The following GTF2A1 variants were observed in gnomAD, a reference collection of about 807,000 sequenced individuals.
GTF2A1 encodes general transcription factor IIA subunit 1.
GTF2A1 carries 12 observed loss-of-function variants against 54.1 expected under a neutral mutation model. That is an observed-to-expected ratio of 0.22 (90% confidence interval 0.14 to 0.36). GTF2A1 has a LOEUF of 0.36. Among genes scored for constraint, GTF2A1 ranks in the 10% least tolerant of loss-of-function variants. The pLI, the probability that GTF2A1 is intolerant of heterozygous loss-of-function variation, is 1.00. For missense variants in GTF2A1, 335 were observed against 442.2 expected, an observed-to-expected ratio of 0.76 and a Z score of 2.17; for synonymous variants, 145 against 152.0, an observed-to-expected ratio of 0.95 and a Z score of 0.34.
chr14:81,193,449 A>G (rs1892921484), intron 6 of GTF2A1, among the ~76,000 whole-genome samples: 2 of 152,054 alleles, frequency 1.3e-5, no homozygotes, highest in Admixed American at 6.6e-5. Flanking sequence ...GTGAGCCACA[A>G]CGCCTGGCCA....
At chr14:81,207,158 C>G (rs1370693681) in intron 2 of GTF2A1, among the ~76,000 whole-genome samples, 1 of 146,704 alleles carries the variant, frequency 6.8e-6, no homozygotes. Flanking sequence ...TACCTACCTA[C>G]CTACCTACCT....
intron 1 of GTF2A1, 29 bp downstream of exon 1, chr14:81,220,460 C>T: frequency 6.5e-7 from 1 of 1,536,182 alleles, no homozygotes; most frequent in Non-Finnish European, 8.8e-7. Flanking sequence ...TGAACGAAGC[C>T]CCCGCCGGCC....
At chr14:81,199,474 A>G (rs550804615) in intron 4 of GTF2A1, among the ~76,000 whole-genome samples, 1 of 152,342 alleles carries the variant, frequency 6.6e-6, no homozygotes, top group South Asian at 2.1e-4. Flanking sequence ...CGTTTTTATG[A>G]TTAGTTCATT....
chr14:81,209,750 G>A (rs887514708), intron 2 of GTF2A1: 7 of 374,276 alleles, frequency 1.9e-5, no homozygotes, highest in East Asian at 7.4e-5. Context: ...TATTCCTTAC[G>A]ATCAGCAGTT....
chr14:81,213,281 T>G (rs1336770078), intron 2 of GTF2A1, among the ~76,000 whole-genome samples: 1 of 151,928 alleles, frequency 6.6e-6, no homozygotes, highest in East Asian at 1.9e-4. Flanking sequence ...CTATAAAATA[T>G]GTACTAAAAA....
intron 7 of GTF2A1, among the ~76,000 whole-genome samples, chr14:81,189,540 G>A (rs141932600): frequency 6.6e-5 from 10 of 152,060 alleles, no homozygotes; most frequent in African/African-American, 1.9e-4. Flanking sequence ...GCGAGGTGGC[G>A]GGCACCTCTA....
chr14:81,187,744 G>A (rs1043412590), intron 7 of GTF2A1, among the ~76,000 whole-genome samples: 1 of 152,100 alleles, frequency 6.6e-6, no homozygotes, highest in Non-Finnish European at 1.5e-5. Flanking sequence ...TGAACATTTG[G>A]GTTTATACCA....
intron 6 of GTF2A1, among the ~76,000 whole-genome samples, chr14:81,194,487 T>A (rs931657878): frequency 6.6e-6 from 1 of 152,310 alleles, no homozygotes; most frequent in Admixed American, 6.5e-5. Flanking sequence ...CAGCAGTACA[T>A]AATTTTGGAA....
Position 81,180,278 on chromosome 14 carries a change from T to G in GTF2A1, c.1076A>C (p.Asn359Thr). Residue 359 changes from asparagine to threonine, a missense_variant, in exon 9 of 9, where the codon AAT becomes ACT. Physicochemically the swap from Asn to Thr is moderately conservative, Grantham distance 65. Coordinates refer to ENST00000553612, the MANE Select transcript of GTF2A1 (RefSeq NM_015859.4). ...AAATATATAATCTCTTCCATTAAGA[T>G]TCATAATGCCATCCTTGAGATGAAA... ...WKFHLKDGIM[N>T]LNGRDYIFSK... 6.6e-7 allele frequency: 1 copy of G among 1,521,996 alleles called. No homozygotes were observed. The highest frequency in any genetic ancestry group is 1.4e-5 in the African/African-American group (1 of 73,166). The allele number at this position is 1,521,996 out of a possible 1,614,324, so 94.3% of individuals were successfully genotyped here. A position where few individuals can be genotyped will look rare whatever the true frequency, so the allele number is the denominator to read the frequency against.
chr14:81,214,992 ATAGT>A (rs774904813), intron 2 of GTF2A1, among the ~76,000 whole-genome samples: 43 of 152,350 alleles, frequency 2.8e-4, no homozygotes, highest in Admixed American at 2.2e-3. Context: ...CAGTTTCTTA[ATAGT>A]TAGTTACAAT....
intron 8 of GTF2A1, among the ~76,000 whole-genome samples, chr14:81,182,063 C>G (rs1457906558): frequency 6.6e-6 from 1 of 152,056 alleles, no homozygotes; most frequent in African/African-American, 2.4e-5. Context: ...GCTTCTCCAA[C>G]TTCCATTTAT....
chr14:81,199,301 T>C (rs1210308573), intron 4 of GTF2A1, among the ~76,000 whole-genome samples: 1 of 152,154 alleles, frequency 6.6e-6, no homozygotes, highest in South Asian at 2.1e-4. Flanking sequence ...TCATGTACCA[T>C]ACACTAACCA....
intron 7 of GTF2A1, among the ~76,000 whole-genome samples, chr14:81,185,974 TC>T (rs1892735929): frequency 6.6e-6 from 1 of 152,186 alleles, no homozygotes; most frequent in Non-Finnish European, 1.5e-5. Context: ...TGCCTCAGCC[TC>T]CCCAGTAGCT....
At position 81,176,680 on chromosome 14, in the gene GTF2A1, C is replaced by T. The variant is rs1595201059; in HGVS notation, c.*3543G>A. The stretch of plus-strand genomic sequence containing the variant: ...CTAAAATGCAAAGCTATTTAACAAA[C>T]TCATGAGGAAACAAGTAAAGCAACT... On this transcript the variant is annotated 3_prime_UTR_variant, in exon 9 of 9. Coordinates refer to ENST00000553612, the MANE Select transcript of GTF2A1 (RefSeq NM_015859.4). 1 of 151,918 alleles carries T rather than the reference C, an allele frequency of 6.6e-6. No homozygotes were observed. Among genetic ancestry groups the T allele is most frequent in the Non-Finnish European group, 1.5e-5 (1 of 67,932 alleles). 9.4% of individuals were successfully genotyped at this position (151,918 alleles called of 1,614,324 possible). A position where few individuals can be genotyped will look rare whatever the true frequency, so the allele number is the denominator to read the frequency against.
intron 2 of GTF2A1, among the ~76,000 whole-genome samples, chr14:81,207,655 T>C (rs61980897): frequency 0.089 from 13,481 of 152,212 alleles, 656 homozygotes; most frequent in Non-Finnish European, 0.11. Flanking sequence ...GTGGGAAAGT[T>C]TGGAACTTCC....
intron 8 of GTF2A1, among the ~76,000 whole-genome samples, chr14:81,180,596 G>A (rs1892619750): frequency 6.6e-6 from 1 of 151,972 alleles, no homozygotes; most frequent in Non-Finnish European, 1.5e-5. Flanking sequence ...ACAGCACCTG[G>A]CCTAAAAATT....
At chr14:81,199,046 A>G (rs950930177) in intron 4 of GTF2A1, among the ~76,000 whole-genome samples, 1 of 152,270 alleles carries the variant, frequency 6.6e-6, no homozygotes, top group Admixed American at 6.5e-5. Context: ...ACTTGGCTAT[A>G]TAAGCAAATT....
chr14:81,192,442 A>G (rs1398360289), intron 7 of GTF2A1, 77 bp downstream of exon 7: 3 of 1,069,854 alleles, frequency 2.8e-6, no homozygotes, highest in Admixed American at 2.3e-5. Context: ...AAAACAGGAT[A>G]TAATTTATCA....
chr14:81,188,481 G>T (rs1469591748), intron 7 of GTF2A1, among the ~76,000 whole-genome samples: 1 of 152,132 alleles, frequency 6.6e-6, no homozygotes, highest in Non-Finnish European at 1.5e-5. Context: ...TAAGAAAACT[G>T]TTGCAAGCGG....
Sources: allele counts gnomAD v4.1 joint callset (sites outside exome capture counted in the v4.1 genomes callset), GRCh38; gene constraint gnomAD v4.1.1; transcripts MANE v1.5; gene names NCBI Gene and HGNC (gene_info 2026-07-23, HGNC 2026-07-21).